VPS39: variants seen among roughly 807,000 people sequenced by gnomAD.
The protein encoded by VPS39 is VPS39 subunit of HOPS complex, also known as vam6/Vps39-like protein.
In VPS39, 70 loss-of-function variants were observed where a neutral mutation model predicts 121.0. The observed-to-expected ratio is 0.58, with a 90% CI of 0.48 to 0.71. The LOEUF (loss-of-function observed/expected upper bound fraction) is 0.71, where lower values mean the gene tolerates loss of function less well. Ranked by LOEUF, VPS39 falls within the 30% of genes least tolerant of loss-of-function variation. The pLI, the probability that VPS39 is intolerant of heterozygous loss-of-function variation, is 0.00. For missense variants in VPS39, 818 were observed against 1,051.5 expected (o/e 0.78, Z 3.07); for synonymous variants, 378 against 398.1 (o/e 0.95, Z 0.60).
At position 42,171,783 on chromosome 15, in the gene VPS39, C is replaced by T. The variant is rs376272112; in HGVS notation, c.1091-1917G>A. Among the ~76,000 whole-genome samples, 244 of 152,230 alleles carry T rather than the reference C, an allele frequency of 1.6e-3. 1 individual carries two copies. Among genetic ancestry groups the T allele is most frequent in the African/African-American group, 5.7e-3 (235 of 41,512 alleles). On this transcript the variant is annotated intron_variant, in intron 11 of 24. Transcript: ENST00000318006. Reference sequence around the variant, plus strand: ...CTCCCTCCATTCCAACCCCTGGGAACCTCTCTATTTTACTTACAGTCTCCA... The same window carrying T: ...CTCCCTCCATTCCAACCCCTGGGAATCTCTCTATTTTACTTACAGTCTCCA...
At chr15:42,166,130 G>C (rs1285007732) in intron 16 of VPS39, 29 bp downstream of exon 16, 2 of 1,606,054 alleles carry the variant, frequency 1.2e-6, no homozygotes, top group Non-Finnish European at 1.7e-6. Flanking sequence ...GTGTTTACCA[G>C]ATAAATCCAA....
chr15:42,165,947 T>C (rs2049233740), intron 16 of VPS39, 131 bp from the exon 17 acceptor site: 1 of 938,716 alleles, frequency 1.1e-6, no homozygotes, highest in Admixed American at 2.1e-5. Context: ...CTGTAGGCAG[T>C]CAGCATGTCA....
chr15:42,195,013 G>A (rs1295414963), intron 2 of VPS39, among the ~76,000 whole-genome samples: 1 of 151,870 alleles, frequency 6.6e-6, no homozygotes, highest in Non-Finnish European at 1.5e-5. Context: ...TCCTCTGAAA[G>A]GATCTTGAGG....
chr15:42,173,558 T>A (rs1241228854), intron 11 of VPS39, 165 bp downstream of exon 11: 5 of 800,386 alleles, frequency 6.2e-6, no homozygotes, highest in Non-Finnish European at 9.7e-6. Flanking sequence ...GGAGTATAGA[T>A]ATGTAACCAC....
At chr15:42,190,653 C>T (rs542637196) in intron 4 of VPS39, among the ~76,000 whole-genome samples, 5 of 152,186 alleles carry the variant, frequency 3.3e-5, no homozygotes, top group South Asian at 4.1e-4. Flanking sequence ...GTTTGTGATA[C>T]GCTGCTGGCC....
Position 42,184,705 on chromosome 15 carries a change from A to T in VPS39, c.535-5T>A. On this transcript the variant is annotated splice_polypyrimidine_tract_variant and splice_region_variant and intron_variant, in intron 7 of 24. Transcript: ENST00000318006. ...GATGGACCCCTTTCCATCCACCTAT[A>T]GGAAGAAACAGAGTGAGTCACCTAG... 1 of 1,605,850 alleles carries T rather than the reference A, an allele frequency of 6.2e-7. No homozygotes were observed.
chr15:42,193,421 CTTCT>C (rs1168448478), intron 2 of VPS39, among the ~76,000 whole-genome samples: 1 of 152,162 alleles, frequency 6.6e-6, no homozygotes. Context: ...TTTTCAGATT[CTTCT>C]TTGATACTAC....
intron 2 of VPS39, among the ~76,000 whole-genome samples, chr15:42,193,246 A>G (rs7181577): frequency 0.85 from 129,234 of 152,194 alleles, 55,507 homozygotes; most frequent in Non-Finnish European, 0.92. Flanking sequence ...TTAAAAACAT[A>G]TATGTATTTA....
At chr15:42,196,534 A>C (rs1373738720) in intron 2 of VPS39, among the ~76,000 whole-genome samples, 4 of 152,258 alleles carry the variant, frequency 2.6e-5, no homozygotes, top group Admixed American at 2.6e-4. Flanking sequence ...TCTCAAAAGA[A>C]GACATTTATG....
At chr15:42,197,156 C>T (rs1264708635) in intron 2 of VPS39, among the ~76,000 whole-genome samples, 3 of 124,294 alleles carry the variant, frequency 2.4e-5, no homozygotes, top group Non-Finnish European at 3.1e-5. Context: ...AGGGGAACAT[C>T]ACACACTGGG....
chr15:42,165,662 C>T (rs1249391521), intron 17 of VPS39, 56 bp downstream of exon 17: 4 of 1,404,776 alleles, frequency 2.8e-6, no homozygotes, highest in East Asian at 2.3e-5. Context: ...AACAGAACCA[C>T]GCAGTCCTGG....
rs778857589 is a variant in VPS39, at chr15:42,162,352, T to C, written c.2305A>G (p.Ser769Gly). The C allele has an allele frequency of 6.2e-7, 1 of 1,612,574 alleles. No homozygotes were observed. The highest frequency in any genetic ancestry group is 8.5e-7 in the Non-Finnish European group (1 of 1,179,074). The change falls in exon 22 of 25, where the codon AGC becomes GGC. Residue 769 changes from serine to glycine, a missense_variant. Coordinates refer to ENST00000318006, the MANE Select transcript of VPS39 (RefSeq NM_015289.5). ...CTGACCTTGGTGGTGTCCAGTTTGC[T>C]GTGGTGTAGCTCGAGGACCTGCAGA... ...AALQVLELHH[S>G]KLDTTKALNL...
In VPS39 at chr15:42,169,852, T is replaced by C; in HGVS notation, c.1105A>G (p.Met369Val). Residue 369 changes from methionine (M) to valine (V), a missense_variant, in exon 12 of 25, where the codon ATG (methionine) becomes GTG (valine). By Grantham distance (21) the Met-to-Val change is conservative. Coordinates refer to ENST00000318006, the MANE Select transcript of VPS39 (RefSeq NM_015289.5). ...AKLGTDPTHV[M>V]GLYPDLLPTD... is the part of the protein sequence containing the mutation. Reference sequence around the variant, plus strand: ...GGCAGCAGGTCAGGGTACAGGCCCATCACATGGGTGGGATCTATATGGAAG... The same window carrying C: ...GGCAGCAGGTCAGGGTACAGGCCCACCACATGGGTGGGATCTATATGGAAG... The C allele has an allele frequency of 6.2e-7, 1 of 1,613,142 alleles. No individual in the cohort carries two copies. Among genetic ancestry groups the C allele is most frequent in the Non-Finnish European group, 8.5e-7 (1 of 1,179,582 alleles).
intron 11 of VPS39, among the ~76,000 whole-genome samples, chr15:42,171,388 A>G (rs539247202): frequency 1.7e-4 from 26 of 152,156 alleles, no homozygotes; most frequent in African/African-American, 4.8e-5. Context: ...CTGCCATTCC[A>G]TAGAGGCACC....
At chr15:42,176,131 A>G (rs2049447089) in intron 10 of VPS39, among the ~76,000 whole-genome samples, 1 of 152,204 alleles carries the variant, frequency 6.6e-6, no homozygotes, top group Non-Finnish European at 1.5e-5. Flanking sequence ...AATAAGTATG[A>G]GCCTAGAAAA....
At chr15:42,205,623 T>C (rs528816123) in intron 1 of VPS39, among the ~76,000 whole-genome samples, 157 of 152,284 alleles carry the variant, frequency 1.0e-3, no homozygotes, top group Non-Finnish European at 1.4e-3. Flanking sequence ...GGTGAAAACT[T>C]TGGAACTTAT....
At chr15:42,189,261 A>G (rs2049771509) in intron 4 of VPS39, 53 bp from the exon 5 acceptor site, 6 of 1,486,312 alleles carry the variant, frequency 4.0e-6, no homozygotes, top group Non-Finnish European at 4.7e-6. Flanking sequence ...TCTCTAGCAT[A>G]GCCACTATCG....
At chr15:42,190,450 T>G (rs1033956495) in intron 4 of VPS39, among the ~76,000 whole-genome samples, 9 of 152,210 alleles carry the variant, frequency 5.9e-5, no homozygotes, top group African/African-American at 2.2e-4. Flanking sequence ...GTCCCCTGCA[T>G]GTCCAGAAAA....
intron 11 of VPS39, among the ~76,000 whole-genome samples, chr15:42,171,028 C>G (rs2049338639): frequency 6.6e-6 from 1 of 152,156 alleles, no homozygotes; most frequent in Admixed American, 6.5e-5. Flanking sequence ...AGCCACTGTA[C>G]CTGGCCACTC....
Sources: gnomAD v4.1 joint callset for allele counts (sites outside exome capture counted in the v4.1 genomes callset) on GRCh38, gnomAD v4.1.1 for gene constraint, MANE v1.5 for transcripts, NCBI Gene and HGNC (gene_info 2026-07-23, HGNC 2026-07-21) for gene names.